The following EIPR1 variants were observed in gnomAD, a reference collection of about 807,000 sequenced individuals.
The protein encoded by EIPR1 is EARP complex and GARP complex interacting protein 1, also known as EARP and GARP complex-interacting protein 1.
A neutral mutation model predicts 48.1 loss-of-function variants in EIPR1; 25 were observed. That is an observed-to-expected ratio of 0.52 (90% CI 0.38 to 0.73). The LOEUF (loss-of-function observed/expected upper bound fraction) is 0.73. EIPR1 is among the 30% of genes least tolerant of loss of function. The pLI, the probability that EIPR1 is intolerant of heterozygous loss-of-function variation, is 0.00. For missense variants in EIPR1, 415 were observed against 506.2 expected (o/e 0.82, Z 1.73); for synonymous variants, 204 against 201.9 (o/e 1.01, Z -0.09).
chr2:3,306,134 C>T (rs1232198036), intron 3 of EIPR1, among the ~76,000 whole-genome samples: 2 of 152,224 alleles, frequency 1.3e-5, no homozygotes, highest in Non-Finnish European at 2.9e-5. Context: ...ACGCATTCAG[C>T]CTGAGGGACA....
intron 3 of EIPR1, among the ~76,000 whole-genome samples, chr2:3,266,489 G>T (rs1400162294): frequency 2.6e-5 from 4 of 152,192 alleles, no homozygotes; most frequent in Non-Finnish European, 2.9e-5. Flanking sequence ...AGATTGCATC[G>T]CCTGAGTGTG....
At chr2:3,313,906 C>CG (rs998425174) in intron 3 of EIPR1, among the ~76,000 whole-genome samples, 2 of 152,166 alleles carry the variant, frequency 1.3e-5, no homozygotes, top group African/African-American at 2.4e-5. Context: ...CCTCACCCCC[C>CG]GGTCTTCATT....
chr2:3,200,799 C>G (rs1394413804), intron 5 of EIPR1, among the ~76,000 whole-genome samples: 3 of 152,104 alleles, frequency 2.0e-5, no homozygotes, highest in Admixed American at 6.5e-5. Flanking sequence ...CAGCACCAGG[C>G]AGAACAGTGG....
At chr2:3,290,320 T>C (rs975601773) in intron 3 of EIPR1, among the ~76,000 whole-genome samples, 6 of 152,236 alleles carry the variant, frequency 3.9e-5, no homozygotes, top group Non-Finnish European at 7.3e-5. Flanking sequence ...CAAAAGATTA[T>C]GACATGCATA....
At chr2:3,268,098 C>T (rs1226178760) in intron 3 of EIPR1, among the ~76,000 whole-genome samples, 1 of 152,224 alleles carries the variant, frequency 6.6e-6, no homozygotes, top group Non-Finnish European at 1.5e-5. Flanking sequence ...GGCCCCAGCA[C>T]TGGGCCCTTG....
chr2:3,369,180 T>A (rs1234359418), intron 1 of EIPR1, among the ~76,000 whole-genome samples: 1 of 152,228 alleles, frequency 6.6e-6, no homozygotes, highest in Non-Finnish European at 1.5e-5. Flanking sequence ...GAAAATCCAA[T>A]AATATATTTG....
At chr2:3,236,401 G>T (rs538659063) in intron 4 of EIPR1, among the ~76,000 whole-genome samples, 2 of 152,304 alleles carry the variant, frequency 1.3e-5, no homozygotes, top group South Asian at 4.1e-4. Context: ...CAGAGGCTGG[G>T]ACTGATGACA....
intron 4 of EIPR1, among the ~76,000 whole-genome samples, chr2:3,237,858 G>C (rs1224454534): frequency 1.3e-5 from 2 of 152,164 alleles, no homozygotes. Context: ...CCCGCACACG[G>C]CTGCTGTTCA....
chr2:3,302,415 G>A (rs1185835242), intron 3 of EIPR1, among the ~76,000 whole-genome samples: 1 of 152,220 alleles, frequency 6.6e-6, no homozygotes, highest in South Asian at 2.1e-4. Flanking sequence ...CAAGCAATTA[G>A]AAGACAATCC....
intron 3 of EIPR1, chr2:3,298,471 T>TA (rs1668667048): frequency 6.6e-6 from 1 of 151,978 alleles, no homozygotes; most frequent in South Asian, 2.1e-4. Flanking sequence ...TTGAAAGAGA[T>TA]AAAATTAATC....
In EIPR1 at chr2:3,377,727, C is replaced by A; in HGVS notation, c.-38G>T. On this transcript the variant is annotated 5_prime_UTR_variant, in exon 1 of 9. Coordinates refer to ENST00000382125, the MANE Select transcript of EIPR1 (RefSeq NM_003310.5). ...CGACCCGACCCCGGCCACTCACACG[C>A]TAAGGACCTCGCTACGGCCGGCGCG... is the stretch of plus-strand genomic sequence containing the variant. 1 of 1,560,262 alleles carries A rather than the reference C, an allele frequency of 6.4e-7. No homozygotes were observed. The highest frequency in any genetic ancestry group is 8.7e-7 in the Non-Finnish European group (1 of 1,151,410).
In EIPR1 at chr2:3,218,808, G is replaced by T. The variant is rs184984271; in HGVS notation, c.417-4560C>A. ...GTGACCCAGGTGCACACCCAACACG[G>T]CCCTGATACACTCTAGAGCTTTCAC... is the stretch of plus-strand genomic sequence containing the variant. On this transcript the variant is annotated intron_variant, in intron 4 of 8. Coordinates refer to ENST00000382125, the MANE Select transcript of EIPR1 (RefSeq NM_003310.5). Among the ~76,000 whole-genome samples, 802 of 144,444 alleles carry T rather than the reference G, an allele frequency of 5.6e-3. 4 individuals carry two copies. Among genetic ancestry groups the T allele is most frequent in the Middle Eastern group, 0.032 (7 of 222 alleles). 94.8% of individuals were successfully genotyped at this position (144,444 alleles called of 152,430 possible).
At chr2:3,329,990 G>A (rs983273322) in intron 3 of EIPR1, among the ~76,000 whole-genome samples, 6 of 151,358 alleles carry the variant, frequency 4.0e-5, no homozygotes, top group African/African-American at 1.2e-4. Flanking sequence ...ATCTCGAGGT[G>A]CCAGCCTGGG....
At chr2:3,354,480 G>T in intron 2 of EIPR1, 70 bp downstream of exon 2, 1 of 1,429,214 alleles carries the variant, frequency 7.0e-7, no homozygotes, top group South Asian at 1.2e-5. Context: ...TGGAAAATCA[G>T]AGCAAAATGG....
intron 3 of EIPR1, among the ~76,000 whole-genome samples, chr2:3,262,871 GCAGGGC>G (rs1667376516): frequency 6.6e-6 from 1 of 152,184 alleles, no homozygotes; most frequent in Non-Finnish European, 1.5e-5. Context: ...ACAGGGTCGG[GCAGGGC>G]CAGCAGTGAT....
intron 3 of EIPR1, among the ~76,000 whole-genome samples, chr2:3,290,409 G>A (rs1668331098): frequency 6.6e-6 from 1 of 152,224 alleles, no homozygotes; most frequent in Non-Finnish European, 1.5e-5. Flanking sequence ...TGTGACAGCG[G>A]GTTGGGTGAG....
chr2:3,264,872 A>ACG (rs1414986287), intron 3 of EIPR1, among the ~76,000 whole-genome samples: 1 of 152,056 alleles, frequency 6.6e-6, no homozygotes, highest in Non-Finnish European at 1.5e-5. Flanking sequence ...TTTTTAGTAG[A>ACG]GACGGGGTTT....
chr2:3,247,924 T>C (rs1666881563), intron 4 of EIPR1, among the ~76,000 whole-genome samples: 1 of 152,192 alleles, frequency 6.6e-6, no homozygotes, highest in Admixed American at 6.5e-5. Flanking sequence ...TATTAATTCT[T>C]CTTATTTATC....
chr2:3,192,368 G>A (rs1265215307), intron 8 of EIPR1, 46 bp downstream of exon 8: 2 of 1,519,020 alleles, frequency 1.3e-6, no homozygotes, highest in African/African-American at 2.8e-5. Context: ...TGTGCAGACA[G>A]GAGGCTCTGG....
Sources: allele counts gnomAD v4.1 joint callset (sites outside exome capture counted in the v4.1 genomes callset), GRCh38; gene constraint gnomAD v4.1.1; transcripts MANE v1.5; gene names NCBI Gene and HGNC (gene_info 2026-07-23, HGNC 2026-07-21).